EEIG2: variants seen among roughly 807,000 people sequenced by gnomAD.
EEIG2 encodes family with sequence similarity 102 member B.
chr1:108,634,973 T>TA, the EEIG2 span: 1 of 728,684 alleles, frequency 1.4e-6, no homozygotes, highest in Non-Finnish European at 2.4e-6. Context: ...CTATCCGTGA[T>TA]GCCTTTAAAC....
chr1:108,605,783 A>G, the EEIG2 span, among the ~76,000 whole-genome samples: 1 of 152,196 alleles, frequency 6.6e-6, no homozygotes, highest in African/African-American at 2.4e-5. Flanking sequence ...CTAAATGTAT[A>G]CTTTTACATG....
the EEIG2 span, among the ~76,000 whole-genome samples, chr1:108,588,341 C>G: frequency 6.6e-6 from 1 of 152,038 alleles, no homozygotes; most frequent in African/African-American, 2.4e-5. Context: ...GAAAGGGTTC[C>G]CTTTTCTGCA....
At chr1:108,591,330 CAAA>C in the EEIG2 span, among the ~76,000 whole-genome samples, 1 of 151,708 alleles carries the variant, frequency 6.6e-6, no homozygotes, top group Non-Finnish European at 1.5e-5. Flanking sequence ...TTATCACACA[CAAA>C]AAAAATCTGA....
chr1:108,570,128 G>A, the EEIG2 span, among the ~76,000 whole-genome samples: 1 of 152,190 alleles, frequency 6.6e-6, no homozygotes, highest in Non-Finnish European at 1.5e-5. Flanking sequence ...GTAGAAAGGA[G>A]AAAGTGTTTA....
chr1:108,584,700 C>T, the EEIG2 span, among the ~76,000 whole-genome samples: 4 of 152,186 alleles, frequency 2.6e-5, no homozygotes, highest in South Asian at 8.3e-4. Flanking sequence ...GCTATTTTTA[C>T]CTTTTTGAGG....
chr1:108,591,466 TAAGA>T, the EEIG2 span, among the ~76,000 whole-genome samples: 2 of 152,178 alleles, frequency 1.3e-5, no homozygotes, highest in Non-Finnish European at 2.9e-5. Context: ...CAGTTCCTAT[TAAGA>T]AAGGGCACAC....
At chr1:108,560,508 T>C in the EEIG2 span, 1 of 1,612,760 alleles carries the variant, frequency 6.2e-7, no homozygotes, top group African/African-American at 1.3e-5. Context: ...GTCAATGGGG[T>C]CCTCTTCTGC....
chr1:108,583,755 C>T, the EEIG2 span, among the ~76,000 whole-genome samples: 1 of 151,830 alleles, frequency 6.6e-6, no homozygotes, highest in Admixed American at 6.6e-5. Context: ...GATCGCAAAC[C>T]TAGATTTTAA....
the EEIG2 span, among the ~76,000 whole-genome samples, chr1:108,592,177 G>C: frequency 2.6e-5 from 4 of 152,228 alleles, no homozygotes; most frequent in Non-Finnish European, 5.9e-5. Context: ...TCTGAATTGT[G>C]GTGGTGCTAG....
At chr1:108,592,331 T>G in the EEIG2 span, among the ~76,000 whole-genome samples, 8 of 152,226 alleles carry the variant, frequency 5.3e-5, no homozygotes. Context: ...GGCAAATGAT[T>G]AGTGTTATGC....
At chr1:108,600,933 G>C in the EEIG2 span, among the ~76,000 whole-genome samples, 1 of 152,030 alleles carries the variant, frequency 6.6e-6, no homozygotes. Context: ...AATCTTACTT[G>C]TGTTAGTTTG....
the EEIG2 span, among the ~76,000 whole-genome samples, chr1:108,620,632 A>G: frequency 4.2e-3 from 634 of 152,352 alleles, 2 homozygotes; most frequent in African/African-American, 0.015. Flanking sequence ...GGAAATTATC[A>G]TTTGTGAAAA....
the EEIG2 span, among the ~76,000 whole-genome samples, chr1:108,612,892 C>T: frequency 1.7e-4 from 26 of 152,330 alleles, no homozygotes; most frequent in African/African-American, 5.3e-4. Context: ...AGTTAGGTTA[C>T]CCCATGATGG....
At chr1:108,631,940 C>G in the EEIG2 span, among the ~76,000 whole-genome samples, 1 of 151,588 alleles carries the variant, frequency 6.6e-6, no homozygotes, top group Non-Finnish European at 1.5e-5. Flanking sequence ...ATGGCAAACT[C>G]CCATCTGTAC....
the EEIG2 span, among the ~76,000 whole-genome samples, chr1:108,574,409 A>G: frequency 6.6e-6 from 1 of 152,204 alleles, no homozygotes; most frequent in African/African-American, 2.4e-5. Context: ...GTTTTGTGAG[A>G]TAAAAAGAGT....
At chr1:108,572,810 G>A in the EEIG2 span, among the ~76,000 whole-genome samples, 1 of 151,994 alleles carries the variant, frequency 6.6e-6, no homozygotes, top group Non-Finnish European at 1.5e-5. Context: ...GTACAGATGG[G>A]CTTTCACCAT....
chr1:108,593,949 G>T, the EEIG2 span, among the ~76,000 whole-genome samples: 1 of 152,064 alleles, frequency 6.6e-6, no homozygotes, highest in Non-Finnish European at 1.5e-5. Context: ...GGGACCACAG[G>T]CGTACACCAC....
the EEIG2 span, among the ~76,000 whole-genome samples, chr1:108,580,322 G>A: frequency 5.9e-5 from 9 of 151,964 alleles, no homozygotes; most frequent in East Asian, 1.5e-3. Context: ...CCCCTTCTGG[G>A]ACCTCCCTAT....
the EEIG2 span, among the ~76,000 whole-genome samples, chr1:108,572,517 C>G: frequency 7.9e-5 from 12 of 152,176 alleles, no homozygotes; most frequent in Non-Finnish European, 1.5e-5. Flanking sequence ...GTTCACCAAT[C>G]TAGTATCATA....
Sources: gnomAD v4.1 joint callset for allele counts (sites outside exome capture counted in the v4.1 genomes callset) on GRCh38, gnomAD v4.1.1 for gene constraint, MANE v1.5 for transcripts, NCBI Gene and HGNC (gene_info 2026-07-23, HGNC 2026-07-21) for gene names.